KAT6B: variants seen among roughly 807,000 people sequenced by gnomAD.
KAT6B encodes the protein histone acetyltransferase KAT6B.
Under a neutral mutation model 187.5 loss-of-function variants are expected in KAT6B, and 10 were observed. The ratio of observed to expected loss-of-function variants is 0.05; its 90% CI spans 0.03 to 0.09. KAT6B has a LOEUF of 0.09. Among genes scored for constraint, KAT6B ranks in the 10% least tolerant of loss-of-function variants. KAT6B has a pLI of 1.00. For missense variants in KAT6B, 1,952 were observed against 2,558.9 expected, an observed-to-expected ratio of 0.76 and a Z score of 5.12; for synonymous variants, 861 against 926.8, an observed-to-expected ratio of 0.93 and a Z score of 1.29.
intron 3 of KAT6B, among the ~76,000 whole-genome samples, chr10:74,915,064 C>T (rs2132975452): frequency 6.6e-6 from 1 of 152,238 alleles, no homozygotes; most frequent in East Asian, 1.9e-4. Context: ...TGAGCCACTG[C>T]ACTTTAGCTT....
chr10:74,933,466 G>A (rs1849023901), intron 3 of KAT6B, among the ~76,000 whole-genome samples: 2 of 152,188 alleles, frequency 1.3e-5, no homozygotes, highest in Non-Finnish European at 2.9e-5. Context: ...CAAGATAGAT[G>A]TTCAGTATTG....
chr10:74,840,586 A>G (rs980073103), intron 2 of KAT6B, among the ~76,000 whole-genome samples: 5 of 152,216 alleles, frequency 3.3e-5, no homozygotes, highest in Admixed American at 6.5e-5. Flanking sequence ...CAAATTATCA[A>G]TCACTGGAAG....
At chr10:74,889,002 G>A (rs565782490) in intron 3 of KAT6B, among the ~76,000 whole-genome samples, 9 of 152,064 alleles carry the variant, frequency 5.9e-5, no homozygotes, top group African/African-American at 1.9e-4. Flanking sequence ...TGAAATCAGC[G>A]TATCTAACAA....
At chr10:74,890,308 A>G (rs948254829) in intron 3 of KAT6B, among the ~76,000 whole-genome samples, 1 of 152,108 alleles carries the variant, frequency 6.6e-6, no homozygotes, top group Non-Finnish European at 1.5e-5. Context: ...TTAAGGAGAT[A>G]TTCAGAAGAA....
intron 3 of KAT6B, among the ~76,000 whole-genome samples, chr10:74,952,114 G>T (rs1307816294): frequency 6.6e-6 from 1 of 152,178 alleles, no homozygotes; most frequent in East Asian, 1.9e-4. Context: ...CAGCACTTTG[G>T]GAGGCCGAGG....
chr10:75,028,184 T>C, intron 17 of KAT6B, among the ~76,000 whole-genome samples: 1 of 152,204 alleles, frequency 6.6e-6, no homozygotes, highest in Non-Finnish European at 1.5e-5. Context: ...TTTTTTTTTT[T>C]ACACTGTGGA....
chr10:74,825,840 G>A (rs1840151353), upstream of KAT6B, among the ~76,000 whole-genome samples: 1 of 151,458 alleles, frequency 6.6e-6, no homozygotes, highest in Non-Finnish European at 1.5e-5. The surrounding 1 kb of genome is among the most constrained non-coding windows in gnomAD (Gnocchi z 5.0). Flanking sequence ...CCTGCACCCG[G>A]CCTGGGGCTG....
At chr10:74,873,022 G>A (rs562158093) in intron 3 of KAT6B, among the ~76,000 whole-genome samples, 4 of 152,192 alleles carry the variant, frequency 2.6e-5, no homozygotes, top group South Asian at 2.1e-4. Context: ...GTTCTTAAGC[G>A]GGGTGAATGA....
chr10:74,950,397 CCA>C (rs1564583157), intron 3 of KAT6B, among the ~76,000 whole-genome samples: 1 of 152,144 alleles, frequency 6.6e-6, no homozygotes, highest in Non-Finnish European at 1.5e-5. Context: ...GCTGTCCTGA[CCA>C]CAGTTACTGT....
At chr10:74,836,656 G>C (rs1463728780) in intron 1 of KAT6B, among the ~76,000 whole-genome samples, 3 of 152,174 alleles carry the variant, frequency 2.0e-5, no homozygotes, top group African/African-American at 7.2e-5. Context: ...CATGTTGTCA[G>C]ACAACAGATA....
At chr10:74,986,369 T>C (rs1352717214) in intron 12 of KAT6B, among the ~76,000 whole-genome samples, 1 of 152,240 alleles carries the variant, frequency 6.6e-6, no homozygotes, top group Non-Finnish European at 1.5e-5. Flanking sequence ...GTCCAAACTC[T>C]CTTATTTATG....
Position 74,826,749 on chromosome 10 carries a change from G to GC in KAT6B, c.-360dup, listed in dbSNP as rs1392850524. 2 of 152,774 alleles carry GC rather than the reference G, an allele frequency of 1.3e-5. No individual in the cohort carries two copies. The highest frequency in any genetic ancestry group is 2.4e-5 in the African/African-American group (1 of 41,236). 9.5% of individuals were successfully genotyped at this position (152,774 alleles called of 1,614,324 possible). A position where few individuals can be genotyped will look rare whatever the true frequency, so the allele number is the denominator to read the frequency against. The stretch of plus-strand genomic sequence containing the variant: ...CCGCAGTTTCTCAGGCAGCGGCAGC[G>GC]CCCCCGGCAGGCGCGGTGGCGGTGG... On this transcript the variant is annotated 5_prime_UTR_variant, in exon 1 of 18. The change abolishes the stop of an existing upstream ORF in the 5' untranslated region. Transcript: ENST00000287239.
intron 12 of KAT6B, among the ~76,000 whole-genome samples, chr10:74,986,783 A>C (rs1478406698): frequency 2.0e-5 from 3 of 152,218 alleles, no homozygotes; most frequent in African/African-American, 7.2e-5. Context: ...AGAAACTTAA[A>C]AAGAATAGTG....
At chr10:75,004,196 A>T (rs1398354207) in intron 13 of KAT6B, among the ~76,000 whole-genome samples, 1 of 152,196 alleles carries the variant, frequency 6.6e-6, no homozygotes, top group Non-Finnish European at 1.5e-5. Flanking sequence ...TCTTCAGCAG[A>T]ACTGGAACAA....
intron 3 of KAT6B, among the ~76,000 whole-genome samples, chr10:74,899,613 G>A (rs2132742909): frequency 6.6e-6 from 1 of 152,192 alleles, no homozygotes; most frequent in African/African-American, 2.4e-5. Context: ...CTCACAAATG[G>A]TTCTTGAATA....
intron 4 of KAT6B, 53 bp from the exon 5 acceptor site, chr10:74,969,607 A>T: frequency 2.1e-5 from 22 of 1,067,322 alleles, no homozygotes; most frequent in Non-Finnish European, 2.8e-5. Context: ...ATGGGAGTTT[A>T]AAAAAGTCAA....
intron 3 of KAT6B, among the ~76,000 whole-genome samples, chr10:74,947,045 G>C (rs1840000461): frequency 6.6e-6 from 1 of 152,062 alleles, no homozygotes; most frequent in Non-Finnish European, 1.5e-5. Flanking sequence ...TGTCGCCCAG[G>C]CTGGAGTTCA....
At chr10:74,943,945 A>G (rs1167543524) in intron 3 of KAT6B, among the ~76,000 whole-genome samples, 1 of 152,244 alleles carries the variant, frequency 6.6e-6, no homozygotes, top group Non-Finnish European at 1.5e-5. Flanking sequence ...GAACTCTTAC[A>G]ACTGAATAAG....
intron 13 of KAT6B, among the ~76,000 whole-genome samples, chr10:74,995,945 G>A (rs1020526333): frequency 2.6e-5 from 4 of 152,198 alleles, no homozygotes; most frequent in African/African-American, 7.2e-5. Context: ...CCTGGCTGAT[G>A]GGCAGGATAC....
Sources: allele counts gnomAD v4.1 joint callset (sites outside exome capture counted in the v4.1 genomes callset), GRCh38; gene constraint gnomAD v4.1.1; non-coding constraint Gnocchi (gnomAD v3.1); transcripts MANE v1.5; gene names NCBI Gene and HGNC (gene_info 2026-07-23, HGNC 2026-07-21).